The following TECTA variants were observed in gnomAD, a reference collection of about 807,000 sequenced individuals.
TECTA encodes tectorin alpha, also known as alpha-tectorin.
TECTA carries 128 observed loss-of-function variants against 216.8 expected under a neutral mutation model. The ratio of observed to expected loss-of-function variants is 0.59; its 90% CI spans 0.51 to 0.68. The LOEUF (loss-of-function observed/expected upper bound fraction) is 0.68, where lower values mean the gene tolerates loss of function less well. TECTA is among the 30% of genes least tolerant of loss of function. TECTA has a pLI of 0.00. For missense variants in TECTA, 2,551 were observed against 2,786.2 expected, an observed-to-expected ratio of 0.92 and a Z score of 1.90; for synonymous variants, 1,089 against 1,117.1, an observed-to-expected ratio of 0.97 and a Z score of 0.50.
chr11:121,133,462 GA>G (rs1555124653), intron 10 of TECTA, among the ~76,000 whole-genome samples: 1 of 39,524 alleles, frequency 2.5e-5, no homozygotes, highest in Non-Finnish European at 5.2e-5. Flanking sequence ...GGGGTGCCAG[GA>G]TGGGGAACTC....
chr11:121,175,432 G>A (rs925739350), intron 20 of TECTA, among the ~76,000 whole-genome samples: 14 of 152,088 alleles, frequency 9.2e-5, no homozygotes, highest in African/African-American at 3.4e-4. Context: ...CTTTATTTCT[G>A]CCTTCATTTC....
intron 14 of TECTA, among the ~76,000 whole-genome samples, chr11:121,159,868 T>G (rs2135122627): frequency 6.6e-6 from 1 of 152,358 alleles, no homozygotes; most frequent in Non-Finnish European, 1.5e-5. Flanking sequence ...CACAGTAAGA[T>G]GAGTGAATGC....
intron 20 of TECTA, among the ~76,000 whole-genome samples, chr11:121,183,748 G>T (rs1251409955): frequency 6.6e-6 from 1 of 152,138 alleles, no homozygotes; most frequent in Non-Finnish European, 1.5e-5. Flanking sequence ...TCTTTATTCT[G>T]TTTGATCTAG....
intron 2 of TECTA, 29 bp downstream of exon 2, chr11:121,102,758 T>C: frequency 2.5e-6 from 4 of 1,593,590 alleles, no homozygotes; most frequent in Non-Finnish European, 3.4e-6. Context: ...CATAAAGCTC[T>C]CAGTTAGCAT....
intron 10 of TECTA, among the ~76,000 whole-genome samples, chr11:121,134,012 A>G (rs1946700623): frequency 6.6e-6 from 1 of 151,966 alleles, no homozygotes; most frequent in Admixed American, 6.6e-5. Flanking sequence ...TTCATCTTCC[A>G]TGTATTAATT....
At position 121,125,751 on chromosome 11, in the gene TECTA, G is replaced by A. The variant is rs763090615; in HGVS notation, c.1653G>A (p.Val551=). 4 of 1,614,224 alleles carry A rather than the reference G, an allele frequency of 2.5e-6. No individual in the cohort carries two copies. Among genetic ancestry groups the A allele is most frequent in the East Asian group, 2.2e-5 (1 of 44,872 alleles). The stretch of plus-strand genomic sequence containing the variant: ...CCACTGCTTTTGTGCACAGCTGCGT[G>A]TATGACCTGTGCAGTGTGAGGGACA... ...VDPTAFVHSC[V]YDLCSVRDNG... is the part of the protein sequence containing the mutation. Residue 551 remains valine, a synonymous_variant, in exon 8 of 24, where the codon GTG becomes GTA. Coordinates refer to ENST00000392793, the MANE Select transcript of TECTA (RefSeq NM_005422.4).
chr11:121,186,285 T>C (rs1947286536), intron 20 of TECTA, among the ~76,000 whole-genome samples: 1 of 152,262 alleles, frequency 6.6e-6, no homozygotes, highest in Non-Finnish European at 1.5e-5. Context: ...CAGCAACTTC[T>C]ACAAGTGGCT....
At position 121,166,714 on chromosome 11, in the gene TECTA, C is replaced by T. The variant is rs762155210; in HGVS notation, c.5520C>T (p.Ile1840=). 11 of 1,614,016 alleles carry T rather than the reference C, an allele frequency of 6.8e-6. No individual in the cohort carries two copies. Among genetic ancestry groups the T allele is most frequent in the Non-Finnish European group, 8.5e-6 (10 of 1,180,028 alleles). Reference sequence around the variant, plus strand: ...TCAATGACAGACAGTGCACCGGCATCGAGGGGGAAGATTTTATCTCCTTTC... The same window carrying T: ...TCAATGACAGACAGTGCACCGGCATTGAGGGGGAAGATTTTATCTCCTTTC... ...VRINDRQCTG[I]EGEDFISFQI... The change falls in exon 18 of 24, where the codon ATC becomes ATT. Residue 1840 remains isoleucine (I), a synonymous_variant. Coordinates refer to ENST00000392793, the MANE Select transcript of TECTA (RefSeq NM_005422.4).
At chr11:121,125,115 A>G (rs1277875794) in intron 7 of TECTA, among the ~76,000 whole-genome samples, 187 bp from the exon 8 acceptor site, 1 of 152,208 alleles carries the variant, frequency 6.6e-6, no homozygotes, top group African/African-American at 2.4e-5. Context: ...GCTGGCCCAC[A>G]AGCAGCTCTC....
chr11:121,135,103 C>T (rs777279095), intron 10 of TECTA, among the ~76,000 whole-genome samples: 4 of 152,154 alleles, frequency 2.6e-5, no homozygotes, highest in South Asian at 2.1e-4. Context: ...CTGGATAGCA[C>T]GCACTTGATT....
intron 20 of TECTA, among the ~76,000 whole-genome samples, chr11:121,184,278 T>C (rs1156408573): frequency 1.3e-5 from 2 of 152,224 alleles, no homozygotes; most frequent in African/African-American, 4.8e-5. Context: ...TCTTGCTTTA[T>C]CCCTTGTCTC....
chr11:121,106,673 A>G (rs1946393070), intron 3 of TECTA, among the ~76,000 whole-genome samples: 3 of 152,180 alleles, frequency 2.0e-5, no homozygotes, highest in African/African-American at 7.2e-5. Context: ...GTGAGGGATT[A>G]TACCACACCC....
At position 121,126,758 on chromosome 11, in the gene TECTA, G is replaced by GTT. The variant is rs556729147; in HGVS notation, c.1774+889_1774+890dup. ...AATGTATCAGGTTCAATTCTTAAGAGTTTTGGTCAAACTACAATACAAGCA... is the reference window on the plus strand; with the variant it reads ...AATGTATCAGGTTCAATTCTTAAGAGTTTTTTGGTCAAACTACAATACAAGCA... On this transcript the variant is annotated intron_variant, in intron 8 of 23. Transcript: ENST00000392793. Among the ~76,000 whole-genome samples the GTT allele has an allele frequency of 1.8e-4, 28 of 152,316 alleles. No homozygotes were observed. In the East Asian group the frequency reaches 4.6e-3, roughly 25 times the overall value.
chr11:121,124,962 G>A (rs747590894), intron 7 of TECTA, among the ~76,000 whole-genome samples: 8 of 152,230 alleles, frequency 5.3e-5, no homozygotes, highest in Non-Finnish European at 1.2e-4. Flanking sequence ...CAGAGGAAAA[G>A]GGAGGTGACT....
Position 121,168,145 on chromosome 11 carries a change from A to G in TECTA, c.5678A>G (p.Asn1893Ser), listed in dbSNP as rs777280111. ...ATCATCACCAGGGACCGCACGATCA[A>G]TGTGGAATTTTCATGTGCTTATGAG... ...GNIITRDRTINVEFSCAYELD... is the reference protein window; with the variant it reads ...GNIITRDRTISVEFSCAYELD... The change falls in exon 19 of 24, where the codon AAT becomes AGT. Residue 1893 changes from asparagine (N) to serine (S), a missense_variant. This residue lies in a region of TECTA where 2,375 missense variants were observed against 2,563.9 expected (regional missense o/e 0.93). Transcript: ENST00000392793. The G allele has an allele frequency of 6.8e-6, 11 of 1,614,102 alleles. No homozygotes were observed. The East Asian group carries it at 1.8e-4, about 26-fold the overall frequency.
intron 18 of TECTA, 71 bp downstream of exon 18, chr11:121,166,851 C>T: frequency 6.4e-7 from 1 of 1,569,434 alleles, no homozygotes; most frequent in Non-Finnish European, 8.7e-7. Context: ...CATTTATTGT[C>T]CTGAAAACCA....
chr11:121,121,945 CT>C (rs1381329659), intron 7 of TECTA, among the ~76,000 whole-genome samples: 3 of 152,104 alleles, frequency 2.0e-5, no homozygotes, highest in African/African-American at 7.2e-5. Flanking sequence ...TAATATGGCT[CT>C]TCTCTCCCTT....
chr11:121,168,849 C>G lies in TECTA; in HGVS notation c.5923C>G (p.Leu1975Val). The change falls in exon 20 of 24, where the codon CTA becomes GTA. Residue 1975 changes from leucine to valine, a missense_variant. Leu to Val is a conservative substitution (Grantham distance 32). Transcript: ENST00000392793. ...VVGADATHLI[L>V]TLNKCYATPT... ...TGGAGCTGACGCCACACATTTAATC[C>G]TAACACTCAACAAATGCTATGCCAC... 1 of 1,614,108 alleles carries G rather than the reference C, an allele frequency of 6.2e-7. No individual in the cohort carries two copies. The highest frequency in any genetic ancestry group is 8.5e-7 in the Non-Finnish European group (1 of 1,180,014).
At chr11:121,153,844 G>A (rs1267855127) in intron 13 of TECTA, among the ~76,000 whole-genome samples, 1 of 152,156 alleles carries the variant, frequency 6.6e-6, no homozygotes, top group Non-Finnish European at 1.5e-5. Flanking sequence ...GCCTAGACAA[G>A]GTATTTAGTT....
Sources: gnomAD v4.1 joint callset for allele counts (sites outside exome capture counted in the v4.1 genomes callset) on GRCh38, gnomAD v4.1.1 for gene constraint, gnomAD v4.1.1 regional missense constraint, MANE v1.5 for transcripts, NCBI Gene and HGNC (gene_info 2026-07-23, HGNC 2026-07-21) for gene names.